Variants in CLIC5 observed in about 807,000 individuals in gnomAD.
CLIC5 encodes CLIC family member 5, also known as chloride intracellular channel protein 5.
A neutral mutation model predicts 24.7 loss-of-function variants in CLIC5; 20 were observed. The observed-to-expected ratio is 0.81, with a 90% CI of 0.57 to 1.18. The LOEUF (loss-of-function observed/expected upper bound fraction) is 1.18. CLIC5 is among the 50% of genes most tolerant of loss of function. CLIC5 has a pLI of 0.00. For synonymous variants in CLIC5, 159 were observed against 135.6 expected, an observed-to-expected ratio of 1.17 and a Z score of -1.20; for missense variants, 341 against 326.1, an observed-to-expected ratio of 1.05 and a Z score of -0.35.
the CLIC5 span, among the ~76,000 whole-genome samples, chr6:46,128,189 C>G: frequency 2.0e-5 from 3 of 152,306 alleles, no homozygotes; most frequent in Middle Eastern, 3.4e-3. Flanking sequence ...TTCCTGACCA[C>G]TTTATCTTAC....
upstream of CLIC5, among the ~76,000 whole-genome samples, chr6:46,020,726 T>C (rs1278147579): frequency 1.3e-5 from 2 of 152,014 alleles, no homozygotes; most frequent in Admixed American, 6.5e-5. Context: ...TTATCAATGT[T>C]AGATACAAAA....
rs760343978 is a variant in CLIC5 at position 45,955,108 on chromosome 6, A to G, written c.173+27T>C. 4 of 1,539,980 alleles carry G rather than the reference A, an allele frequency of 2.6e-6. No homozygotes were observed. The Admixed American group carries it at 6.8e-5, about 26-fold the overall frequency. ...GTTCTCTGTTCATGCAGCTAAACATACTCCTCATTTATGCAACGTACGTTA... is the reference window on the plus strand; with the variant it reads ...GTTCTCTGTTCATGCAGCTAAACATGCTCCTCATTTATGCAACGTACGTTA... On this transcript the variant is annotated intron_variant, in intron 2 of 5. Coordinates refer to ENST00000339561, the MANE Select transcript of CLIC5 (RefSeq NM_016929.5).
chr6:45,929,261 A>G (rs1581752021), intron 4 of CLIC5, among the ~76,000 whole-genome samples: 1 of 152,322 alleles, frequency 6.6e-6, no homozygotes, highest in Non-Finnish European at 1.5e-5. Flanking sequence ...AATGAACCAA[A>G]TCAAAGACCC....
At chr6:46,042,568 C>T (rs1227175365) in intron 1 of CLIC5, among the ~76,000 whole-genome samples, 1 of 152,128 alleles carries the variant, frequency 6.6e-6, no homozygotes, top group African/African-American at 2.4e-5. Context: ...ACAGTCATGC[C>T]TCTGAAAAAC....
chr6:46,112,782 C>T, the CLIC5 span, among the ~76,000 whole-genome samples: 13 of 152,260 alleles, frequency 8.5e-5, no homozygotes, highest in South Asian at 1.5e-3. Context: ...GCAGGCTGGG[C>T]GCTGTGGCTG....
At chr6:45,926,664 T>A (rs1763511529) in intron 4 of CLIC5, among the ~76,000 whole-genome samples, 1 of 152,134 alleles carries the variant, frequency 6.6e-6, no homozygotes, top group African/African-American at 2.4e-5. Context: ...AAGTCTAGAA[T>A]TTAGCCTTCT....
At chr6:45,974,536 G>T (rs866214754) in intron 1 of CLIC5, among the ~76,000 whole-genome samples, 1,288 of 123,124 alleles carry the variant, frequency 0.01, 5 homozygotes, top group African/African-American at 0.015. Context: ...GAGAGAGAGA[G>T]AGAGAGAGAG....
intron 1 of CLIC5, among the ~76,000 whole-genome samples, chr6:45,957,249 A>G (rs1030485809): frequency 2.0e-5 from 3 of 152,198 alleles, no homozygotes; most frequent in Admixed American, 2.0e-4. Context: ...ATATAATAAT[A>G]ATGTTAATAA....
chr6:46,110,803 G>A, the CLIC5 span, among the ~76,000 whole-genome samples: 84,914 of 152,074 alleles, frequency 0.56, 24,252 homozygotes, highest in Middle Eastern at 0.76. Context: ...TAAAAGTCTA[G>A]TCTTAGATTC....
chr6:45,997,212 G>A (rs1303376867), intron 1 of CLIC5, among the ~76,000 whole-genome samples: 1 of 151,092 alleles, frequency 6.6e-6, no homozygotes, highest in Non-Finnish European at 1.5e-5. Context: ...TAGGGACATG[G>A]ATGAAACTGG....
At chr6:46,048,502 G>A (rs1048641832) in intron 1 of CLIC5, among the ~76,000 whole-genome samples, 6 of 152,024 alleles carry the variant, frequency 3.9e-5, no homozygotes, top group African/African-American at 1.4e-4. Flanking sequence ...CTCATACACA[G>A]CAGGCATCTT....
upstream of CLIC5, among the ~76,000 whole-genome samples, chr6:46,019,408 C>T (rs1406354323): frequency 6.6e-6 from 1 of 152,096 alleles, no homozygotes; most frequent in Non-Finnish European, 1.5e-5. Flanking sequence ...AAAGCTGGGC[C>T]GGGCGCGGTG....
intron 1 of CLIC5, among the ~76,000 whole-genome samples, chr6:46,007,059 C>T (rs1186730304): frequency 2.0e-5 from 3 of 152,194 alleles, no homozygotes; most frequent in Admixed American, 6.5e-5. Flanking sequence ...TCACCTGTAG[C>T]TCTGAGCAGA....
At position 45,938,759 on chromosome 6, in the gene CLIC5, T is replaced by C. The variant is rs1275988934; in HGVS notation, c.406+2788A>G. On this transcript the variant is annotated intron_variant, in intron 4 of 5. Transcript: ENST00000339561. ...TAAACACCATTTATAATTTTAAAAA[T>C]CTGGAGGGCTCAAATGAGATAATCT... is the stretch of plus-strand genomic sequence containing the variant. Among the ~76,000 whole-genome samples, 3 of 152,166 alleles carry C rather than the reference T, an allele frequency of 2.0e-5. 1 individual carries two copies. The highest frequency in any genetic ancestry group is 4.4e-5 in the Non-Finnish European group (3 of 68,022).
At chr6:45,913,775 C>T in intron 5 of CLIC5, 1 of 1,231,310 alleles carries the variant, frequency 8.1e-7, no homozygotes, top group Non-Finnish European at 1.0e-6. Flanking sequence ...AATGTGGGCT[C>T]ACCTTAGGAA....
intron 4 of CLIC5, among the ~76,000 whole-genome samples, chr6:45,921,376 C>T (rs1423795323): frequency 6.6e-6 from 1 of 152,008 alleles, no homozygotes; most frequent in Non-Finnish European, 1.5e-5. Context: ...GAATCTGGGT[C>T]GAGTATGTCG....
intron 1 of CLIC5, among the ~76,000 whole-genome samples, chr6:45,977,031 T>G (rs939025202): frequency 2.0e-5 from 3 of 152,216 alleles, no homozygotes; most frequent in Non-Finnish European, 4.4e-5. Context: ...ATTATTTCCT[T>G]TCAGGGCTTT....
Position 45,914,226 on chromosome 6 carries a change from A to G in CLIC5, c.588+2T>C. 6.3e-7 allele frequency: 1 copy of G among 1,587,164 alleles called. No homozygotes were observed. The highest frequency in any genetic ancestry group is 8.6e-7 in the Non-Finnish European group (1 of 1,161,904). ...AGGCCCCTGTGGGTAGAGCTCTCTT[A>G]CCTTGACCACATGGAGCTTGGGCAA... is the stretch of plus-strand genomic sequence containing the variant. On this transcript the variant is annotated splice_donor_variant, in intron 5 of 5. Coordinates refer to ENST00000339561, the MANE Select transcript of CLIC5 (RefSeq NM_016929.5). LOFTEE classifies it high-confidence loss of function.
At chr6:46,066,072 T>G (rs1180178390) in intron 1 of CLIC5, among the ~76,000 whole-genome samples, 1 of 152,180 alleles carries the variant, frequency 6.6e-6, no homozygotes, top group Admixed American at 6.5e-5. Flanking sequence ...AAGGGGCATA[T>G]TAATGAAATG....
Sources: allele counts gnomAD v4.1 joint callset (sites outside exome capture counted in the v4.1 genomes callset), GRCh38; gene constraint gnomAD v4.1.1; transcripts MANE v1.5; gene names NCBI Gene and HGNC (gene_info 2026-07-23, HGNC 2026-07-21).